Variants in TENM4 observed in about 807,000 individuals in gnomAD.
The protein encoded by TENM4 is teneurin transmembrane protein 4, also known as teneurin-4.
A neutral mutation model predicts 243.3 loss-of-function variants in TENM4; 82 were observed. That is an observed-to-expected ratio of 0.34 (90% CI 0.28 to 0.40). The LOEUF is 0.40. Among genes scored for constraint, TENM4 ranks in the 10% least tolerant of loss-of-function variants. The pLI, the probability that TENM4 is intolerant of heterozygous loss-of-function variation, is 1.00. For missense variants in TENM4, 3,138 were observed against 3,673.3 expected (o/e 0.85, Z 3.77); for synonymous variants, 1,412 against 1,456.3 (o/e 0.97, Z 0.69).
chr11:78,693,969 C>T (rs549877158), intron 28 of TENM4, among the ~76,000 whole-genome samples: 8 of 152,022 alleles, frequency 5.3e-5, no homozygotes, highest in African/African-American at 1.2e-4. Context: ...GAGCCGAGAT[C>T]GCACCATCGC....
chr11:79,417,456 G>A (rs756166642), intron 1 of TENM4, among the ~76,000 whole-genome samples: 2 of 152,142 alleles, frequency 1.3e-5, no homozygotes, highest in Non-Finnish European at 2.9e-5. Flanking sequence ...CCACAAGAGT[G>A]GTTGGTAAAC....
At chr11:78,903,120 G>A (rs1416751981) in intron 7 of TENM4, 148 bp downstream of exon 7, 2 of 1,178,094 alleles carry the variant, frequency 1.7e-6, no homozygotes, top group Non-Finnish European at 2.2e-6. Context: ...TGGCAGTCAG[G>A]GAACCGCATC....
intron 2 of TENM4, among the ~76,000 whole-genome samples, chr11:79,270,800 T>C (rs1855955528): frequency 6.6e-6 from 1 of 152,316 alleles, no homozygotes; most frequent in African/African-American, 2.4e-5. Context: ...CTTGTATAAT[T>C]TGCAGGGCAG....
At chr11:78,667,374 G>C (rs1247608441) in intron 32 of TENM4, among the ~76,000 whole-genome samples, 1 of 152,190 alleles carries the variant, frequency 6.6e-6, no homozygotes, top group South Asian at 2.1e-4. Flanking sequence ...GGGCTACCAA[G>C]TTTGGGAGCT....
At chr11:79,158,090 G>A (rs1174558071) in intron 3 of TENM4, among the ~76,000 whole-genome samples, 9 of 152,172 alleles carry the variant, frequency 5.9e-5, no homozygotes, top group South Asian at 2.1e-4. Context: ...CCCTCCTCCT[G>A]CACTCTGGGC....
At chr11:79,287,311 C>A (rs527333111) in intron 2 of TENM4, among the ~76,000 whole-genome samples, 105 of 152,146 alleles carry the variant, frequency 6.9e-4, no homozygotes, top group South Asian at 1.2e-3. Context: ...GGTGAAGTAC[C>A]AGAAAATGAA....
chr11:78,971,423 C>A (rs1857544927), intron 6 of TENM4, among the ~76,000 whole-genome samples: 1 of 152,086 alleles, frequency 6.6e-6, no homozygotes, highest in African/African-American at 2.4e-5. Context: ...CTGCCTCAGT[C>A]TCCCAAGTAG....
chr11:79,298,384 G>T (rs11826615), intron 1 of TENM4, among the ~76,000 whole-genome samples: 25,091 of 150,768 alleles, frequency 0.17, 2,235 homozygotes, highest in African/African-American at 0.23. Context: ...GCGCGGTGGC[G>T]GGCGCCTGTA....
At chr11:78,838,248 T>A (rs17137228) in intron 12 of TENM4, among the ~76,000 whole-genome samples, 7,413 of 152,268 alleles carry the variant, frequency 0.049, 656 homozygotes, top group African/African-American at 0.17. Flanking sequence ...CTTTAGCCAT[T>A]ACCTGTAAGA....
intron 28 of TENM4, among the ~76,000 whole-genome samples, chr11:78,691,262 C>T (rs1213760199): frequency 6.6e-6 from 1 of 152,212 alleles, no homozygotes; most frequent in Admixed American, 6.5e-5. Context: ...TGCCACCTGC[C>T]AGCAGCGTGA....
At chr11:79,336,252 G>A (rs1405241481) in intron 1 of TENM4, among the ~76,000 whole-genome samples, 2 of 152,192 alleles carry the variant, frequency 1.3e-5, no homozygotes, top group Non-Finnish European at 2.9e-5. Flanking sequence ...CAGGGCATCC[G>A]ATTCCACATT....
intron 6 of TENM4, among the ~76,000 whole-genome samples, chr11:79,032,396 GAGA>G (rs1176522492): frequency 6.6e-6 from 1 of 152,186 alleles, no homozygotes; most frequent in African/African-American, 2.4e-5. Context: ...GCTGAAGTCT[GAGA>G]AGAAAATGGC....
chr11:78,763,740 T>C (rs1224019830), intron 18 of TENM4, among the ~76,000 whole-genome samples: 1 of 152,248 alleles, frequency 6.6e-6, no homozygotes, highest in African/African-American at 2.4e-5. Context: ...ACCCTTCCTA[T>C]GCCCGAGACG....
chr11:79,223,107 G>A (rs1864195833), intron 2 of TENM4, among the ~76,000 whole-genome samples: 1 of 151,912 alleles, frequency 6.6e-6, no homozygotes, highest in Non-Finnish European at 1.5e-5. Flanking sequence ...TAACAAACCT[G>A]CACATCCTGC....
chr11:78,932,686 T>C (rs548584821), intron 6 of TENM4, among the ~76,000 whole-genome samples: 1 of 152,112 alleles, frequency 6.6e-6, no homozygotes, highest in African/African-American at 2.4e-5. Flanking sequence ...GGAAGACAAT[T>C]TTTCCATGGA....
At chr11:79,346,036 A>G (rs1322916743) in intron 1 of TENM4, among the ~76,000 whole-genome samples, 1 of 152,198 alleles carries the variant, frequency 6.6e-6, no homozygotes, top group Non-Finnish European at 1.5e-5. Context: ...AAAATAGACT[A>G]TCCCTTCAGT....
chr11:79,066,619 T>G (rs1009371134), intron 5 of TENM4, among the ~76,000 whole-genome samples: 1 of 146,484 alleles, frequency 6.8e-6, no homozygotes, highest in Non-Finnish European at 1.5e-5. Flanking sequence ...CACACACACG[T>G]GCGCACACAC....
chr11:79,032,346 G>A (rs1002211736), intron 6 of TENM4, among the ~76,000 whole-genome samples: 12 of 152,112 alleles, frequency 7.9e-5, no homozygotes, highest in African/African-American at 2.4e-5. Flanking sequence ...AGGGTCCATA[G>A]GAGCCTCTTG....
Position 78,786,947 on chromosome 11 carries a change from G to A in TENM4, c.2316C>T (p.Asp772=), listed in dbSNP as rs375389326. Residue 772 remains aspartate, a synonymous_variant, in exon 16 of 34, where the codon GAC becomes GAT. Transcript: ENST00000278550. ...AGCCAGGGCTGCACTCGCACTTGCCGTCGCGGCAGGTCCCATGCTCGGCAC... is the reference window on the plus strand; with the variant it reads ...AGCCAGGGCTGCACTCGCACTTGCCATCGCGGCAGGTCCCATGCTCGGCAC... ...PRCAEHGTCR[D]GKCECSPGWN... is the part of the protein sequence containing the mutation. The A allele has an allele frequency of 3.7e-5, 60 of 1,603,726 alleles. 1 individual carries two copies. The highest frequency in any genetic ancestry group is 5.4e-5 in the African/African-American group (4 of 74,750).
Sources: allele counts gnomAD v4.1 joint callset (sites outside exome capture counted in the v4.1 genomes callset), GRCh38; gene constraint gnomAD v4.1.1; transcripts MANE v1.5; gene names NCBI Gene and HGNC (gene_info 2026-07-23, HGNC 2026-07-21).